The following BBOF1 variants were observed in gnomAD, a reference collection of about 807,000 sequenced individuals.
BBOF1 encodes the protein basal body orientation factor 1, also known as basal body-orientation factor 1.
In BBOF1, 62 loss-of-function variants were observed where a neutral mutation model predicts 68.0. The ratio of observed to expected loss-of-function variants is 0.91; its 90% CI spans 0.74 to 1.13. The LOEUF is 1.13. BBOF1 is among the 50% of genes most tolerant of loss of function. BBOF1 has a pLI of 0.00. For synonymous variants in BBOF1, 208 were observed against 198.8 expected, an observed-to-expected ratio of 1.05 and a Z score of -0.39; for missense variants, 534 against 600.1, an observed-to-expected ratio of 0.89 and a Z score of 1.15.
chr14:74,072,012 A>G, intron 9 of BBOF1: 1 of 1,602,996 alleles, frequency 6.2e-7, no homozygotes, highest in Non-Finnish European at 8.5e-7. Context: ...TAATGCAAGA[A>G]TGTTCCTCTT....
intron 4 of BBOF1, among the ~76,000 whole-genome samples, chr14:74,036,816 A>G (rs1466670977): frequency 6.6e-6 from 1 of 151,950 alleles, no homozygotes; most frequent in Non-Finnish European, 1.5e-5. Context: ...TACATCACCC[A>G]TCCACCTCCA....
chr14:74,072,926 A>T (rs1015286734), intron 9 of BBOF1, among the ~76,000 whole-genome samples: 5 of 151,426 alleles, frequency 3.3e-5, no homozygotes, highest in Non-Finnish European at 5.9e-5. Context: ...CAGCCCTTCG[A>T]GTAGCTGAGA....
At chr14:74,064,392 G>GA (rs1322484004) in intron 11 of BBOF1, among the ~76,000 whole-genome samples, 2 of 152,010 alleles carry the variant, frequency 1.3e-5, no homozygotes, top group East Asian at 1.9e-4. Context: ...AACTATTACA[G>GA]AAAAAATACG....
chr14:74,067,030 A>G (rs1326802871), downstream of BBOF1: 2 of 791,170 alleles, frequency 2.5e-6, no homozygotes, highest in Admixed American at 2.5e-5. Context: ...AGCCTGGGCA[A>G]CAAAGTGAGA....
At chr14:74,055,549 TC>T (rs1328162018) in intron 8 of BBOF1, 34 bp from the exon 9 acceptor site, 3 of 1,407,418 alleles carry the variant, frequency 2.1e-6, no homozygotes, top group Non-Finnish European at 3.0e-6. Flanking sequence ...ACCGTATTTT[TC>T]CTTTTCACAT....
In BBOF1 at chr14:74,040,481, C is replaced by G. The variant is rs569638381; in HGVS notation, c.496-84C>G. On this transcript the variant is annotated intron_variant, in intron 4 of 11. Coordinates refer to ENST00000394009, the MANE Select transcript of BBOF1 (RefSeq NM_025057.3). Reference sequence around the variant, plus strand: ...AGGTAACATATAACAGAAAGCATTTCCTTATTGATAATTTTCTGAGAATGT... The same window carrying G: ...AGGTAACATATAACAGAAAGCATTTGCTTATTGATAATTTTCTGAGAATGT... The G allele has an allele frequency of 3.6e-6, 3 of 826,588 alleles. No individual in the cohort carries two copies. In the African/African-American group the frequency reaches 5.2e-5, roughly 14 times the overall value. 51.2% of individuals were successfully genotyped at this position (826,588 alleles called of 1,614,324 possible).
chr14:74,042,687 T>A (rs2059848708), intron 5 of BBOF1, among the ~76,000 whole-genome samples: 1 of 151,994 alleles, frequency 6.6e-6, no homozygotes, highest in Non-Finnish European at 1.5e-5. Flanking sequence ...CACACACTGT[T>A]CTCCCACCTA....
intron 2 of BBOF1, among the ~76,000 whole-genome samples, chr14:74,025,484 C>T (rs1301681794): frequency 6.6e-6 from 1 of 152,062 alleles, no homozygotes; most frequent in East Asian, 1.9e-4. Context: ...TGTTTATAGT[C>T]ATGTTAATTA....
intron 3 of BBOF1, among the ~76,000 whole-genome samples, chr14:74,030,777 T>C (rs1306167066): frequency 1.3e-5 from 2 of 151,792 alleles, no homozygotes; most frequent in Non-Finnish European, 2.9e-5. Context: ...GAAATCCAAC[T>C]CCTATCCATG....
At chr14:74,040,521 A>G in intron 4 of BBOF1, 44 bp from the exon 5 acceptor site, 1 of 1,281,084 alleles carries the variant, frequency 7.8e-7, no homozygotes. Flanking sequence ...AATGACCCCC[A>G]TTTTCTATTG....
chr14:74,031,823 T>TA (rs374230638), intron 3 of BBOF1: 4 of 152,224 alleles, frequency 2.6e-5, no homozygotes, highest in African/African-American at 9.6e-5. Flanking sequence ...GGTTCACACA[T>TA]ACAGCTCATA....
chr14:74,065,012 AC>A lies in BBOF1; in HGVS notation c.*315del. On this transcript the variant is annotated 3_prime_UTR_variant, in exon 12 of 12. Transcript: ENST00000394009. The stretch of plus-strand genomic sequence containing the variant: ...CATCAGAGACCAGTTTTAAATACCC[AC>A]CTTCTACCCTATCCTCTACCCCATG... 1 of 1,380,720 alleles carries A rather than the reference AC, an allele frequency of 7.2e-7. No homozygotes were observed. The highest frequency in any genetic ancestry group is 1.0e-6 in the Non-Finnish European group (1 of 984,638). 85.5% of individuals were successfully genotyped at this position (1,380,720 alleles called of 1,614,324 possible).
intron 11 of BBOF1, chr14:74,058,645 G>T (rs2060272995): frequency 2.0e-5 from 3 of 151,578 alleles, no homozygotes; most frequent in Admixed American, 6.6e-5. Context: ...CATAGTGTAG[G>T]TTAGTTAGCA....
chr14:74,021,165 A>G (rs1566786199), intron 1 of BBOF1, among the ~76,000 whole-genome samples: 2 of 152,238 alleles, frequency 1.3e-5, no homozygotes. Context: ...CCTACCATAT[A>G]TAAGGGGGAG....
At chr14:74,027,275 C>T (rs559768626) in intron 2 of BBOF1, among the ~76,000 whole-genome samples, 11 of 150,526 alleles carry the variant, frequency 7.3e-5, no homozygotes, top group African/African-American at 2.0e-4. Context: ...GTAGTAAAGA[C>T]GGGGTTTCAC....
Position 74,019,430 on chromosome 14 carries a change from G to A in BBOF1, c.-49G>A. 1 of 1,575,104 alleles carries A rather than the reference G, an allele frequency of 6.3e-7. No homozygotes were observed. Among genetic ancestry groups the A allele is most frequent in the African/African-American group, 1.4e-5 (1 of 74,022 alleles). On this transcript the variant is annotated 5_prime_UTR_variant, in exon 1 of 12. Transcript: ENST00000394009. ...TCCCTTGGAGACAGAGCTGGCCAGG[G>A]CGGCCGCGGCTGGGCAACTACGACA...
At chr14:74,071,848 T>C in intron 9 of BBOF1, 2 of 1,592,724 alleles carry the variant, frequency 1.3e-6, no homozygotes, top group Non-Finnish European at 1.7e-6. Flanking sequence ...TTGCCTCCCA[T>C]CTTCCTTTGG....
intron 3 of BBOF1, among the ~76,000 whole-genome samples, chr14:74,030,468 A>C (rs951461598): frequency 4.6e-5 from 7 of 151,962 alleles, no homozygotes; most frequent in Non-Finnish European, 1.0e-4. Flanking sequence ...CATGGTTCTA[A>C]AGTCTGTAAA....
chr14:74,060,155 T>TCC (rs945438334), intron 11 of BBOF1: 1 of 157,824 alleles, frequency 6.3e-6, no homozygotes, highest in Non-Finnish European at 1.4e-5. Flanking sequence ...AAATTTTTTT[T>TCC]CCCTTTTCTT....
Sources: allele counts gnomAD v4.1 joint callset (sites outside exome capture counted in the v4.1 genomes callset), GRCh38; gene constraint gnomAD v4.1.1; transcripts MANE v1.5; gene names NCBI Gene and HGNC (gene_info 2026-07-23, HGNC 2026-07-21).